Variants in SUZ12 observed in about 807,000 individuals in gnomAD.
SUZ12 encodes the protein SUZ12 polycomb repressive complex 2 subunit, also known as polycomb protein SUZ12.
In SUZ12, 17 loss-of-function variants were observed where a neutral mutation model predicts 87.3. The observed-to-expected ratio is 0.19, with a 90% CI of 0.13 to 0.29. The LOEUF (loss-of-function observed/expected upper bound fraction) is 0.29, where lower values mean the gene tolerates loss of function less well. SUZ12 is among the 10% of genes least tolerant of loss of function. SUZ12 has a pLI of 1.00. For synonymous variants in SUZ12, 253 were observed against 312.4 expected, an observed-to-expected ratio of 0.81 and a Z score of 2.01; for missense variants, 526 against 912.2, an observed-to-expected ratio of 0.58 and a Z score of 5.45.
At chr17:31,952,121 A>G (rs1598153182) in intron 4 of SUZ12, among the ~76,000 whole-genome samples, 1 of 152,184 alleles carries the variant, frequency 6.6e-6, no homozygotes, top group East Asian at 1.9e-4. Flanking sequence ...AGGCTGGAGC[A>G]CAAGTGGCTG....
intron 4 of SUZ12, among the ~76,000 whole-genome samples, chr17:31,949,248 A>G (rs1054354033): frequency 2.0e-5 from 3 of 152,222 alleles, no homozygotes. Flanking sequence ...TCTCTGAACA[A>G]TTGTTTCCCC....
At chr17:31,983,254 A>G (rs1909213713) in intron 9 of SUZ12, 150 bp downstream of exon 9, 2 of 618,570 alleles carry the variant, frequency 3.2e-6, no homozygotes, top group Non-Finnish European at 5.3e-6. Context: ...TAGTCAGAGC[A>G]TTTAACGGAA....
chr17:31,962,450 C>T lies in SUZ12; in HGVS notation c.456-3697C>T, dbSNP rs1358538609. Among the ~76,000 whole-genome samples the T allele has an allele frequency of 3.3e-5, 5 of 152,094 alleles. No individual in the cohort carries two copies. In the South Asian group the frequency reaches 8.3e-4, roughly 25 times the overall value. ...CACAAACATGTAAAAATTAGCCAGG[C>T]ATGATGGTGCATGCCTATAGTCTCA... On this transcript the variant is annotated intron_variant, in intron 4 of 15. Transcript: ENST00000322652.
chr17:31,971,549 G>C (rs1353954660), intron 5 of SUZ12, among the ~76,000 whole-genome samples: 1 of 150,508 alleles, frequency 6.6e-6, no homozygotes, highest in Non-Finnish European at 1.5e-5. Context: ...TTCTGCCTCA[G>C]CCTCCCAAGT....
At chr17:31,952,866 A>G (rs561563420) in intron 4 of SUZ12, among the ~76,000 whole-genome samples, 23 of 152,122 alleles carry the variant, frequency 1.5e-4, no homozygotes, top group Non-Finnish European at 2.5e-4. Flanking sequence ...CCTGTCCCCA[A>G]TGTTGGAATT....
chr17:31,997,754 A>G (rs1456200242), intron 15 of SUZ12, among the ~76,000 whole-genome samples: 1 of 151,654 alleles, frequency 6.6e-6, no homozygotes, highest in Non-Finnish European at 1.5e-5. Flanking sequence ...GGTTCATTTA[A>G]TGACCCAATT....
At chr17:31,979,353 C>A (rs910159845) in intron 8 of SUZ12, among the ~76,000 whole-genome samples, 9 of 152,088 alleles carry the variant, frequency 5.9e-5, no homozygotes, top group African/African-American at 2.2e-4. Flanking sequence ...AACCACCGTA[C>A]CCTTATGAGG....
chr17:31,957,929 G>A (rs566372297), intron 4 of SUZ12, among the ~76,000 whole-genome samples: 1 of 102,976 alleles, frequency 9.7e-6, no homozygotes, highest in Non-Finnish European at 2.1e-5. Context: ...TTGAGACAGA[G>A]TCTTGCTCTG....
chr17:31,995,765 AATTATT>A lies in SUZ12; in HGVS notation c.1794+9_1794+14del, dbSNP rs753136143. 1.9e-6 allele frequency: 3 copies of A among 1,587,978 alleles called. No homozygotes were observed. The African/African-American group carries it at 4.0e-5, about 21-fold the overall frequency. On this transcript the variant is annotated splice_donor_5th_base_variant and intron_variant, in intron 14 of 15. Coordinates refer to ENST00000322652, the MANE Select transcript of SUZ12 (RefSeq NM_015355.4). Reference sequence around the variant, plus strand: ...GGCTAAGAGAAAAAACCATTACAGTAATTATTATTATCTTTATTGGCAATTATCTTG... The same window carrying A: ...GGCTAAGAGAAAAAACCATTACAGTAATTATCTTTATTGGCAATTATCTTG...
chr17:31,964,134 C>G (rs1320436062), intron 4 of SUZ12, among the ~76,000 whole-genome samples: 1 of 151,586 alleles, frequency 6.6e-6, no homozygotes, highest in Non-Finnish European at 1.5e-5. Flanking sequence ...TCAAGTGATT[C>G]TCCTGCCTCT....
At chr17:31,988,228 A>T in intron 9 of SUZ12, 92 bp from the exon 10 acceptor site, 1 of 1,267,502 alleles carries the variant, frequency 7.9e-7, no homozygotes, top group Non-Finnish European at 1.1e-6. Flanking sequence ...AGGCAAATCC[A>T]CATTGACTTA....
At position 31,937,407 on chromosome 17, in the gene SUZ12, C is replaced by T. The variant is rs747922046; in HGVS notation, c.161C>T (p.Ala54Val). 6 of 1,504,934 alleles carry T rather than the reference C, an allele frequency of 4.0e-6. No homozygotes were observed. Among genetic ancestry groups the T allele is most frequent in the South Asian group, 3.8e-5 (3 of 79,202 alleles). 93.2% of individuals were successfully genotyped at this position (1,504,934 alleles called of 1,614,324 possible). A position where few individuals can be genotyped will look rare whatever the true frequency, so the allele number is the denominator to read the frequency against. The change falls in exon 1 of 16, where the codon GCC becomes GTC. Residue 54 changes from alanine to valine, a missense_variant. Ala to Val is a moderately conservative substitution (Grantham distance 64). Around this residue, in one of 9 missense-constraint regions of SUZ12, gnomAD observed 92 missense variants for 109.9 expected, o/e 0.84. Transcript: ENST00000322652. ...GSCGGGGSYSASSSSSAAAAA... is the reference protein window; with the variant it reads ...GSCGGGGSYSVSSSSSAAAAA... ...TGTGGAGGGGGTGGCAGTTACTCGG[C>T]CTCCTCCTCCTCCTCCGCGGCGGCA...
At position 31,966,454 on chromosome 17, in the gene SUZ12, T is replaced by C. The variant is rs1908092343; in HGVS notation, c.505+258T>C. 5.2e-5 allele frequency: 18 copies of C among 348,924 alleles called. No homozygotes were observed. In the East Asian group the frequency reaches 1.2e-3, roughly 23 times the overall value. 21.6% of individuals were successfully genotyped at this position (348,924 alleles called of 1,614,324 possible). A position where few individuals can be genotyped will look rare whatever the true frequency, so the allele number is the denominator to read the frequency against. On this transcript the variant is annotated intron_variant, in intron 5 of 15. Transcript: ENST00000322652. ...CCTCCACCTCCCGGGTTCAAGCGATTCTCCTGCCTCAGCCTCCTGAGTAGC... is the reference window on the plus strand; with the variant it reads ...CCTCCACCTCCCGGGTTCAAGCGATCCTCCTGCCTCAGCCTCCTGAGTAGC...
At chr17:31,946,377 C>T (rs1906637432) in intron 3 of SUZ12, among the ~76,000 whole-genome samples, 1 of 151,974 alleles carries the variant, frequency 6.6e-6, no homozygotes, top group African/African-American at 2.4e-5. Flanking sequence ...CTACAAAATG[C>T]AAAAATTAGC....
chr17:31,972,651 T>C (rs1045878804), intron 5 of SUZ12, among the ~76,000 whole-genome samples: 3 of 152,090 alleles, frequency 2.0e-5, no homozygotes, highest in African/African-American at 7.2e-5. Context: ...TGGCCTTAAG[T>C]GATATTCTTG....
chr17:31,958,476 A>G (rs8080271), intron 4 of SUZ12, among the ~76,000 whole-genome samples: 36,612 of 151,934 alleles, frequency 0.24, 5,982 homozygotes, highest in African/African-American at 0.47. Flanking sequence ...TTGGGAGGTC[A>G]AGGCAGGTGG....
At chr17:31,961,721 T>G (rs57530755) in intron 4 of SUZ12, among the ~76,000 whole-genome samples, 2 of 152,186 alleles carry the variant, frequency 1.3e-5, no homozygotes, top group African/African-American at 4.8e-5. Context: ...AACATTTTTC[T>G]TAATGACCTC....
chr17:31,956,064 C>G (rs74571263), intron 4 of SUZ12, among the ~76,000 whole-genome samples: 5 of 151,932 alleles, frequency 3.3e-5, no homozygotes, highest in South Asian at 2.1e-4. Context: ...AGGCGCCTGC[C>G]ACCACGCCCG....
intron 8 of SUZ12, among the ~76,000 whole-genome samples, chr17:31,979,657 G>A (rs761432479): frequency 2.6e-5 from 4 of 152,076 alleles, no homozygotes; most frequent in African/African-American, 9.7e-5. Flanking sequence ...TGTTCTTTAC[G>A]TACTACATCA....
Sources: gnomAD v4.1 joint callset for allele counts (sites outside exome capture counted in the v4.1 genomes callset) on GRCh38, gnomAD v4.1.1 for gene constraint, gnomAD v4.1.1 regional missense constraint, MANE v1.5 for transcripts, NCBI Gene and HGNC (gene_info 2026-07-23, HGNC 2026-07-21) for gene names.